PTPRQ: variants seen among roughly 807,000 people sequenced by gnomAD.
The protein encoded by PTPRQ is phosphatidylinositol phosphatase PTPRQ.
In PTPRQ, 199 loss-of-function variants were observed where a neutral mutation model predicts 246.0. That is an observed-to-expected ratio of 0.81 (90% CI 0.72 to 0.91). PTPRQ has a LOEUF of 0.91. PTPRQ is among the 40% of genes least tolerant of loss of function. The probability of loss-of-function intolerance (pLI) is 0.00; values close to 1 mark genes in which losing one functional copy is unlikely to be tolerated. For synonymous variants in PTPRQ, 869 were observed against 853.2 expected, an observed-to-expected ratio of 1.02 and a Z score of -0.32; for missense variants, 2,624 against 2,528.4, an observed-to-expected ratio of 1.04 and a Z score of -0.81.
intron 26 of PTPRQ, among the ~76,000 whole-genome samples, chr12:80,604,277 A>G (rs1565813351): frequency 6.6e-6 from 1 of 151,484 alleles, no homozygotes; most frequent in East Asian, 1.9e-4. Context: ...TCTTAGGTTA[A>G]TGTCTGTGTG....
intron 6 of PTPRQ, chr12:80,462,082 C>A (rs1038545363): frequency 1.4e-5 from 9 of 665,970 alleles, no homozygotes; most frequent in African/African-American, 5.4e-5. Flanking sequence ...TTGGGGAGCA[C>A]AAGGGGTCAG....
intron 33 of PTPRQ, among the ~76,000 whole-genome samples, 165 bp from the exon 34 acceptor site, chr12:80,632,027 A>C (rs917761523): frequency 7.2e-5 from 11 of 152,168 alleles, no homozygotes; most frequent in Non-Finnish European, 1.5e-4. Flanking sequence ...CTGAGCCCCA[A>C]AGTTAAAAAA....
chr12:80,500,559 G>A lies in PTPRQ; in HGVS notation c.2272+4028G>A, dbSNP rs540855691. Among the ~76,000 whole-genome samples, 12 of 152,030 alleles carry A rather than the reference G, an allele frequency of 7.9e-5. 1 individual carries two copies. Among genetic ancestry groups the A allele is most frequent in the African/African-American group, 1.2e-4 (5 of 41,524 alleles). ...AATTTTCAAAATCAGAAGTTACACC[G>A]AGCTATAAAATTCAAGCATAGCATC... is the stretch of plus-strand genomic sequence containing the variant. On this transcript the variant is annotated intron_variant, in intron 14 of 44. Coordinates refer to ENST00000644991, the MANE Select transcript of PTPRQ (RefSeq NM_001145026.2).
chr12:80,670,477 T>C lies in PTPRQ; in HGVS notation c.6587T>C (p.Met2196Thr). ...RASRAHDTTP[M>T]IVHCSAGVGR... is the part of the protein sequence containing the mutation. ...AGCAGGGCACATGACACCACACCTATGATTGTTCACTGCAGGTGAGAAAGT... is the reference window on the plus strand; with the variant it reads ...AGCAGGGCACATGACACCACACCTACGATTGTTCACTGCAGGTGAGAAAGT... The change falls in exon 42 of 45, where the codon ATG becomes ACG. Residue 2196 changes from methionine (M) to threonine (T), a missense_variant. Coordinates refer to ENST00000644991, the MANE Select transcript of PTPRQ (RefSeq NM_001145026.2). 6.5e-7 allele frequency: 1 copy of C among 1,549,050 alleles called. No homozygotes were observed. The highest frequency in any genetic ancestry group is 8.7e-7 in the Non-Finnish European group (1 of 1,145,632).
intron 3 of PTPRQ, among the ~76,000 whole-genome samples, chr12:80,453,009 T>G (rs1231236576): frequency 1.3e-5 from 2 of 152,200 alleles, no homozygotes; most frequent in Admixed American, 6.5e-5. Flanking sequence ...ATACCAATCA[T>G]ACGTAGATTT....
chr12:80,555,686 G>GAAAT lies in PTPRQ; in HGVS notation c.4285+5955_4285+5958dup, dbSNP rs1367126940. Among the ~76,000 whole-genome samples, 3 of 152,084 alleles carry GAAAT rather than the reference G, an allele frequency of 2.0e-5. No individual in the cohort carries two copies. The East Asian group carries it at 5.8e-4, about 29-fold the overall frequency. On this transcript the variant is annotated intron_variant, in intron 25 of 44. Coordinates refer to ENST00000644991, the MANE Select transcript of PTPRQ (RefSeq NM_001145026.2). ...ATAGTTGCCTATCATAAATCAGAGG[G>GAAAT]AAATAACTATTAGTATATCTAATTG...
intron 43 of PTPRQ, among the ~76,000 whole-genome samples, chr12:80,676,412 G>A (rs1282452746): frequency 6.6e-6 from 1 of 152,136 alleles, no homozygotes; most frequent in South Asian, 2.1e-4. Context: ...GGAGGCCAAG[G>A]TGGGCGGATC....
intron 25 of PTPRQ, chr12:80,586,676 C>G (rs939702191): frequency 6.6e-6 from 1 of 152,202 alleles, no homozygotes; most frequent in Non-Finnish European, 1.5e-5. Context: ...TCTTTTTCTC[C>G]GCAACTCTGA....
chr12:80,506,910 ACAGT>A (rs1404231737), intron 16 of PTPRQ, among the ~76,000 whole-genome samples: 2 of 151,974 alleles, frequency 1.3e-5, no homozygotes, highest in Admixed American at 6.6e-5. Context: ...TCTGTAAAAA[ACAGT>A]CAGTCATGTT....
In PTPRQ at chr12:80,588,377, T is replaced by G. The variant is rs1897686678; in HGVS notation, c.4534T>G (p.Phe1512Val). 1.3e-6 allele frequency: 2 copies of G among 1,536,240 alleles called. No homozygotes were observed. Among genetic ancestry groups the G allele is most frequent in the Non-Finnish European group, 1.8e-6 (2 of 1,138,518 alleles). ...YGLKKFRWYRFQVAASTNAGY... is the reference protein window; with the variant it reads ...YGLKKFRWYRVQVAASTNAGY... ...ATTAAAGAAATTTAGATGGTATAGA[T>G]TCCAAGTGGCTGCCAGCACCAATGC... is the stretch of plus-strand genomic sequence containing the variant. The change falls in exon 26 of 45, where the codon TTC (phenylalanine) becomes GTC (valine). Residue 1512 changes from phenylalanine to valine, a missense_variant. Physicochemically the swap from Phe to Val is conservative, Grantham distance 50. Transcript: ENST00000644991.
intron 25 of PTPRQ, chr12:80,584,265 A>T (rs772773570): frequency 2.0e-5 from 3 of 152,174 alleles, no homozygotes; most frequent in Non-Finnish European, 4.4e-5. Context: ...AAGGTCAGAC[A>T]AAGAGACAAG....
At chr12:80,485,013 T>A (rs1304729149) in intron 9 of PTPRQ, among the ~76,000 whole-genome samples, 4 of 152,138 alleles carry the variant, frequency 2.6e-5, no homozygotes, top group Non-Finnish European at 4.4e-5. Context: ...TGACAAATGA[T>A]TCTGTTCTAT....
chr12:80,635,391 A>G (rs2121178720), intron 35 of PTPRQ, among the ~76,000 whole-genome samples: 1 of 152,308 alleles, frequency 6.6e-6, no homozygotes, highest in African/African-American at 2.4e-5. Context: ...AGATTTTTAC[A>G]TTAAACTTTT....
rs67006550 is a variant in PTPRQ at position 80,552,632 on chromosome 12, TAAA to T, written c.4285+2908_4285+2910del. Among the ~76,000 whole-genome samples, 6 of 88,434 alleles carry T rather than the reference TAAA, an allele frequency of 6.8e-5. 1 individual carries two copies. The highest frequency in any genetic ancestry group is 1.0e-4 in the Non-Finnish European group (5 of 47,936). The allele number at this position is 88,434 out of a possible 152,430, so 58.0% of individuals were successfully genotyped here. Reference sequence around the variant, plus strand: ...CCTAAATTTAAGGTCCAGGTCTTTGTAAAAAAAAAAAATTATATATATATATAT... The same window carrying T: ...CCTAAATTTAAGGTCCAGGTCTTTGTAAAAAAAAATTATATATATATATAT... On this transcript the variant is annotated intron_variant, in intron 25 of 44. Transcript: ENST00000644991.
Position 80,613,134 on chromosome 12 carries a change from G to A in PTPRQ, c.4919-458G>A, listed in dbSNP as rs144721724. 1.1e-3 allele frequency among the ~76,000 whole-genome samples: 167 copies of A among 150,538 alleles called. 1 individual carries two copies. Among genetic ancestry groups the A allele is most frequent in the African/African-American group, 3.9e-3 (160 of 41,294 alleles). On this transcript the variant is annotated intron_variant, in intron 28 of 44. Transcript: ENST00000644991. ...GGGTGAAATTGGGATAAAGTCTGTA[G>A]CATTAACAGTATTGTACCAATATCA...
At chr12:80,508,151 C>A (rs951303255) in intron 16 of PTPRQ, among the ~76,000 whole-genome samples, 5 of 151,956 alleles carry the variant, frequency 3.3e-5, no homozygotes, top group Middle Eastern at 3.2e-3. Context: ...CATCTAAATT[C>A]TTGGCCAAGT....
intron 17 of PTPRQ, among the ~76,000 whole-genome samples, chr12:80,520,935 C>A (rs1474090682): frequency 6.6e-6 from 1 of 151,922 alleles, no homozygotes; most frequent in Admixed American, 6.6e-5. Flanking sequence ...GGAATCGCCA[C>A]ACTGACTTCC....
At chr12:80,632,368 G>A (rs1187039653) in intron 34 of PTPRQ, 77 bp downstream of exon 34, 2 of 1,512,238 alleles carry the variant, frequency 1.3e-6, no homozygotes, top group Non-Finnish European at 1.8e-6. Context: ...GGAGACAGAA[G>A]CCACAACAGT....
chr12:80,628,557 A>C (rs1403571138), intron 33 of PTPRQ, among the ~76,000 whole-genome samples: 2 of 152,126 alleles, frequency 1.3e-5, no homozygotes, highest in Non-Finnish European at 2.9e-5. Flanking sequence ...TATTTGGTTC[A>C]ATGCCTGATC....
Sources: gnomAD v4.1 joint callset for allele counts (sites outside exome capture counted in the v4.1 genomes callset) on GRCh38, gnomAD v4.1.1 for gene constraint, MANE v1.5 for transcripts, NCBI Gene and HGNC (gene_info 2026-07-23, HGNC 2026-07-21) for gene names.